The following RHPN1 variants were observed in gnomAD, a reference collection of about 807,000 sequenced individuals.
The protein encoded by RHPN1 is rhophilin Rho GTPase binding protein 1, also known as rhophilin-1.
RHPN1 carries 77 observed loss-of-function variants against 74.7 expected under a neutral mutation model. The observed-to-expected ratio is 1.03, with a 90% CI of 0.86 to 1.25. RHPN1 has a LOEUF of 1.25. Among genes scored for constraint, RHPN1 ranks in the 50% most tolerant of loss-of-function variants. The pLI is 0.00. For missense variants in RHPN1, 987 were observed against 932.2 expected (o/e 1.06, Z -0.77); for synonymous variants, 444 against 414.5 (o/e 1.07, Z -0.87).
upstream of RHPN1, among the ~76,000 whole-genome samples, chr8:143,364,298 T>G (rs1238381478): frequency 6.6e-6 from 1 of 152,168 alleles, no homozygotes; most frequent in African/African-American, 2.4e-5. The surrounding 1 kb of genome is among the most constrained non-coding windows in gnomAD (Gnocchi z 4.5). Context: ...AAAAGTGCAG[T>G]TCTCCAGAAG....
At position 143,369,017 on chromosome 8, in the gene RHPN1, G is replaced by T. The variant is rs1234062880; in HGVS notation, c.30G>T (p.Ala10=). 4 of 1,496,026 alleles carry T rather than the reference G, an allele frequency of 2.7e-6. No homozygotes were observed. The South Asian group carries it at 5.0e-5, about 19-fold the overall frequency. 92.7% of individuals were successfully genotyped at this position (1,496,026 alleles called of 1,614,324 possible). A position where few individuals can be genotyped will look rare whatever the true frequency, so the allele number is the denominator to read the frequency against. MILEERPDG[A]GAGEESPRLQ... is the part of the protein sequence containing the mutation. Reference sequence around the variant, plus strand: ...TCCTGGAGGAGAGGCCGGACGGCGCGGGCGCCGGCGAGGAGAGCCCGCGGC... The same window carrying T: ...TCCTGGAGGAGAGGCCGGACGGCGCTGGCGCCGGCGAGGAGAGCCCGCGGC... Residue 10 remains alanine (A), a synonymous_variant, in exon 1 of 15, where the codon GCG becomes GCT. Coordinates refer to ENST00000289013, the MANE Select transcript of RHPN1 (RefSeq NM_052924.3).
At chr8:143,370,083 G>A (rs1046744437) in intron 1 of RHPN1, among the ~76,000 whole-genome samples, 49 of 152,198 alleles carry the variant, frequency 3.2e-4, no homozygotes, top group African/African-American at 1.2e-3. Context: ...CTGTCAGGGC[G>A]GCCATGCCTG....
chr8:143,381,317 G>A lies in RHPN1; in HGVS notation c.1461G>A (p.Gly487=), dbSNP rs760702085. ...CCAGGATGCCACGCCTGTCCCAGGG[G>A]AAGGGGCCTGACATCTTCCATCGGC... ...PEARMPRLSQ[G]KGPDIFHRLG... Residue 487 remains glycine, a synonymous_variant, in exon 12 of 15, where the codon GGG becomes GGA. Coordinates refer to ENST00000289013, the MANE Select transcript of RHPN1 (RefSeq NM_052924.3). The A allele has an allele frequency of 1.9e-5, 30 of 1,612,378 alleles. No individual in the cohort carries two copies. In the South Asian group the frequency reaches 3.3e-4, roughly 18 times the overall value.
intron 10 of RHPN1, 141 bp from the exon 11 acceptor site, chr8:143,380,448 A>T: frequency 1.3e-6 from 1 of 773,532 alleles, no homozygotes; most frequent in Non-Finnish European, 2.0e-6. Flanking sequence ...CTGCACAGCC[A>T]GCTCCTCACC....
chr8:143,383,304 GC>G lies in RHPN1; in HGVS notation c.*656del, dbSNP rs906011859. 3 of 152,648 alleles carry G rather than the reference GC, an allele frequency of 2.0e-5. No homozygotes were observed. The highest frequency in any genetic ancestry group is 7.2e-5 in the African/African-American group (3 of 41,448). The allele number at this position is 152,648 out of a possible 1,614,324, so 9.5% of individuals were successfully genotyped here. ...GTGTCGTGGCCCAGGTCTCATGGTG[GC>G]CCTAAGCCTGCCAGCCCTGCTGCCC... On this transcript the variant is annotated 3_prime_UTR_variant, in exon 15 of 15. Coordinates refer to ENST00000289013, the MANE Select transcript of RHPN1 (RefSeq NM_052924.3).
At chr8:143,380,248 C>T (rs1375358972) in intron 10 of RHPN1, 73 bp downstream of exon 10, 5 of 1,064,962 alleles carry the variant, frequency 4.7e-6, no homozygotes, top group Non-Finnish European at 6.6e-6. Context: ...CCCCACCACC[C>T]TCATGCTGTT....
Position 143,384,179 on chromosome 8 carries a change from C to G in RHPN1, c.*1528C>G, listed in dbSNP as rs1818922419. On this transcript the variant is annotated 3_prime_UTR_variant, in exon 15 of 15. Transcript: ENST00000289013. ...ATGGGCCAAGGTCACGCAGGTCTCC[C>G]CAGCACGTGTTAATTTGGTTAATAA... 1 of 151,258 alleles carries G rather than the reference C, an allele frequency of 6.6e-6. No individual in the cohort carries two copies. Among genetic ancestry groups the G allele is most frequent in the Non-Finnish European group, 1.5e-5 (1 of 67,638 alleles). 9.4% of individuals were successfully genotyped at this position (151,258 alleles called of 1,614,324 possible). A position where few individuals can be genotyped will look rare whatever the true frequency, so the allele number is the denominator to read the frequency against.
Position 143,381,519 on chromosome 8 carries a change from G to A in RHPN1, c.1489-53G>A, listed in dbSNP as rs888134705. ...TTGGATGGATGTGCTAGTCAGGCGG[G>A]GTCTCCTCAGTGTGTGGCCCAGCTG... On this transcript the variant is annotated intron_variant, in intron 12 of 14. Coordinates refer to ENST00000289013, the MANE Select transcript of RHPN1 (RefSeq NM_052924.3). 5.8e-6 allele frequency: 9 copies of A among 1,562,788 alleles called. No individual in the cohort carries two copies. In the Admixed American group the frequency reaches 1.5e-4, roughly 26 times the overall value.
intron 10 of RHPN1, 185 bp downstream of exon 10, chr8:143,380,360 T>G (rs959450168): frequency 2.9e-5 from 19 of 657,604 alleles, no homozygotes; most frequent in Non-Finnish European, 4.6e-5. Flanking sequence ...CCAGGAGTGC[T>G]GGGCAGCCTC....
intron 9 of RHPN1, 34 bp from the exon 10 acceptor site, chr8:143,380,028 C>A (rs771589998): frequency 2.6e-6 from 4 of 1,548,284 alleles, no homozygotes; most frequent in Admixed American, 3.9e-5. Flanking sequence ...CCAAGGCCCC[C>A]CCGCGCAGGG....
chr8:143,373,743 G>A (rs1292209243), intron 1 of RHPN1, among the ~76,000 whole-genome samples: 2 of 151,752 alleles, frequency 1.3e-5, no homozygotes, highest in African/African-American at 2.4e-5. Flanking sequence ...AGGGGACGGT[G>A]CCTCATCCTC....
intron 4 of RHPN1, 56 bp downstream of exon 4, chr8:143,377,511 G>C: frequency 1.6e-6 from 2 of 1,272,684 alleles, no homozygotes; most frequent in African/African-American, 1.5e-5. Context: ...GACCAAGGGG[G>C]TCTTGGAGGC....
intron 1 of RHPN1, among the ~76,000 whole-genome samples, chr8:143,369,336 G>A (rs1173577217): frequency 4.6e-5 from 7 of 152,292 alleles, no homozygotes; most frequent in Admixed American, 2.6e-4. Context: ...GGCGGATGTG[G>A]GGCTGGGCTC....
chr8:143,378,722 G>C lies in RHPN1; in HGVS notation c.486G>C (p.Glu162Asp). Residue 162 changes from glutamate to aspartate, a missense_variant, in exon 6 of 15, where the codon GAG (glutamate) becomes GAC (aspartate). Coordinates refer to ENST00000289013, the MANE Select transcript of RHPN1 (RefSeq NM_052924.3). ...RQAMRTPSRN[E>D]SGLELLTAYY... ...CCATGCGGACCCCCAGCCGGAATGAGTCGGGCCTGGAGCTGCTCACAGCCT... is the reference window on the plus strand; with the variant it reads ...CCATGCGGACCCCCAGCCGGAATGACTCGGGCCTGGAGCTGCTCACAGCCT... The C allele has an allele frequency of 6.3e-7, 1 of 1,595,524 alleles. No individual in the cohort carries two copies. Among genetic ancestry groups the C allele is most frequent in the South Asian group, 1.1e-5 (1 of 88,046 alleles).
Position 143,379,993 on chromosome 8 carries a change from C to G in RHPN1, c.1102+8C>G, listed in dbSNP as rs1188695219. ...CCCTCTGCGACGGCTCCCGTGAGTG[C>G]CCACCACACTTGCCCATGGTACTGC... On this transcript the variant is annotated splice_region_variant and intron_variant, in intron 9 of 14. Transcript: ENST00000289013. 1.9e-6 allele frequency: 3 copies of G among 1,557,144 alleles called. No individual in the cohort carries two copies. Among genetic ancestry groups the G allele is most frequent in the Non-Finnish European group, 2.6e-6 (3 of 1,151,588 alleles).
upstream of RHPN1, among the ~76,000 whole-genome samples, chr8:143,365,432 T>C (rs1817544696): frequency 6.6e-6 from 1 of 152,184 alleles, no homozygotes; most frequent in African/African-American, 2.4e-5. Flanking sequence ...GCCTCTCTGG[T>C]TCAGTGGTGG....
intron 13 of RHPN1, 27 bp from the exon 14 acceptor site, chr8:143,381,780 C>T: frequency 6.2e-7 from 1 of 1,607,980 alleles, no homozygotes; most frequent in Non-Finnish European, 8.5e-7. Context: ...GTCCTGTCCC[C>T]ACCTCACCGT....
rs189192633 is a variant in RHPN1, at chr8:143,374,119, A to G, written c.61-1434A>G. ...ACAAAGATCTCGTTCACATTAGCAA[A>G]AAGAACTCTCTCCAGATATCTAGGA... On this transcript the variant is annotated intron_variant, in intron 1 of 14. Transcript: ENST00000289013. 234 of 985,294 alleles carry G rather than the reference A, an allele frequency of 2.4e-4. No homozygotes were observed. In the African/African-American group the frequency reaches 3.6e-3, roughly 15 times the overall value. 61.0% of individuals were successfully genotyped at this position (985,294 alleles called of 1,614,324 possible). A position where few individuals can be genotyped will look rare whatever the true frequency, so the allele number is the denominator to read the frequency against.
chr8:143,377,092 ATG>A lies in RHPN1; in HGVS notation c.306-281_306-280del, dbSNP rs570067400. ...TGTGTGTCTGCACGTGTGTGCATAT[ATG>A]TGTGTGCGTGCGCATGTGTGTCTGC... On this transcript the variant is annotated intron_variant, in intron 3 of 14. Transcript: ENST00000289013. Among the ~76,000 whole-genome samples the A allele has an allele frequency of 2.1e-3, 294 of 142,756 alleles. 2 individuals carry two copies. Among genetic ancestry groups the A allele is most frequent in the African/African-American group, 6.9e-3 (262 of 37,964 alleles). 93.7% of individuals were successfully genotyped at this position (142,756 alleles called of 152,430 possible). A position where few individuals can be genotyped will look rare whatever the true frequency, so the allele number is the denominator to read the frequency against.
Sources: allele counts gnomAD v4.1 joint callset (sites outside exome capture counted in the v4.1 genomes callset), GRCh38; gene constraint gnomAD v4.1.1; non-coding constraint Gnocchi (gnomAD v3.1); transcripts MANE v1.5; gene names NCBI Gene and HGNC (gene_info 2026-07-23, HGNC 2026-07-21).